Variants in SEPTIN9 observed in about 807,000 individuals in gnomAD.
SEPTIN9 encodes the protein septin-9.
A neutral mutation model predicts 56.6 loss-of-function variants in SEPTIN9; 13 were observed. That is an observed-to-expected ratio of 0.23 (90% CI 0.15 to 0.37). SEPTIN9 has a LOEUF of 0.37. Among genes scored for constraint, SEPTIN9 ranks in the 10% least tolerant of loss-of-function variants. The pLI is 1.00. For synonymous variants in SEPTIN9, 332 were observed against 334.1 expected (o/e 0.99, Z 0.07); for missense variants, 650 against 823.1 (o/e 0.79, Z 2.57).
At chr17:77,443,902 G>A (rs1409034104) in intron 3 of SEPTIN9, among the ~76,000 whole-genome samples, 1 of 152,236 alleles carries the variant, frequency 6.6e-6, no homozygotes, top group African/African-American at 2.4e-5. Context: ...TCTTAGAAAG[G>A]TGGAAATGGG....
At position 77,429,360 on chromosome 17, in the gene SEPTIN9, C is replaced by A; in HGVS notation, c.721+26657C>A. ...CCCACCTGGCTGAGAGGTGTGCTGG[C>A]TCTCGCAGGTTGCAAAATGGGGACA... On this transcript the variant is annotated intron_variant, in intron 3 of 11. Coordinates refer to ENST00000427177, the MANE Select transcript of SEPTIN9 (RefSeq NM_001113491.2). This position sits in a 1 kb window ranked among gnomAD's most constrained non-coding sequence, Gnocchi z 5.2. 1 of 447,222 alleles carries A rather than the reference C, an allele frequency of 2.2e-6. No homozygotes were observed. Among genetic ancestry groups the A allele is most frequent in the Non-Finnish European group, 4.7e-6 (1 of 211,956 alleles). 27.7% of individuals were successfully genotyped at this position (447,222 alleles called of 1,614,324 possible). A position where few individuals can be genotyped will look rare whatever the true frequency, so the allele number is the denominator to read the frequency against.
chr17:77,355,100 C>T (rs1291526971), intron 2 of SEPTIN9, among the ~76,000 whole-genome samples: 2 of 152,110 alleles, frequency 1.3e-5, no homozygotes, highest in East Asian at 1.9e-4. Context: ...CAGCTTAGCT[C>T]GTTGTAGTTG....
At position 77,389,396 on chromosome 17, in the gene SEPTIN9, C is replaced by G. The variant is rs1269171182; in HGVS notation, c.77-12663C>G. Among the ~76,000 whole-genome samples, 2 of 152,052 alleles carry G rather than the reference C, an allele frequency of 1.3e-5. No homozygotes were observed. Among genetic ancestry groups the G allele is most frequent in the African/African-American group, 4.8e-5 (2 of 41,406 alleles). ...GAGGACGGAGAGCTGCCAGAGAGGC[C>G]CTGGCGGGGTGTCTGGGGCCACCTA... On this transcript the variant is annotated intron_variant, in intron 2 of 11. Coordinates refer to ENST00000427177, the MANE Select transcript of SEPTIN9 (RefSeq NM_001113491.2). The surrounding 1 kb of genome is among the most constrained non-coding windows in gnomAD (Gnocchi z 4.3).
rs1201662740 is a variant in SEPTIN9 at position 77,369,575 on chromosome 17, T to C, written c.77-32484T>C. Among the ~76,000 whole-genome samples the C allele has an allele frequency of 6.6e-6, 1 of 152,208 alleles. No individual in the cohort carries two copies. Among genetic ancestry groups the C allele is most frequent in the Non-Finnish European group, 1.5e-5 (1 of 68,046 alleles). On this transcript the variant is annotated intron_variant, in intron 2 of 11. Transcript: ENST00000427177. This position sits in a 1 kb window ranked among gnomAD's most constrained non-coding sequence, Gnocchi z 4.9. ...GAGGGGCTGTGGAAGGCTCTGCCACTGACGGACCCAGGGCTCGGCAGCTCT... is the reference window on the plus strand; with the variant it reads ...GAGGGGCTGTGGAAGGCTCTGCCACCGACGGACCCAGGGCTCGGCAGCTCT...
At chr17:77,341,885 A>G (rs55945244) in intron 2 of SEPTIN9, among the ~76,000 whole-genome samples, 23,113 of 150,658 alleles carry the variant, frequency 0.15, 2,458 homozygotes, top group African/African-American at 0.29. Context: ...GATTGAGACC[A>G]TCCTGGCTAA....
intron 2 of SEPTIN9, among the ~76,000 whole-genome samples, chr17:77,333,350 G>T (rs1485382495): frequency 2.0e-5 from 3 of 152,126 alleles, no homozygotes; most frequent in Non-Finnish European, 4.4e-5. Flanking sequence ...TGTCAGATAC[G>T]TGTTTTACAA....
intron 2 of SEPTIN9, among the ~76,000 whole-genome samples, chr17:77,343,199 G>A (rs1182049987): frequency 6.6e-6 from 1 of 152,220 alleles, no homozygotes; most frequent in Non-Finnish European, 1.5e-5. Context: ...ACCCAGCCTT[G>A]TGATTAGAAG....
At position 77,317,134 on chromosome 17, in the gene SEPTIN9, A is replaced by G. The variant is rs1598183146; in HGVS notation, c.76+9937A>G. 1.3e-5 allele frequency among the ~76,000 whole-genome samples: 2 copies of G among 152,224 alleles called. No individual in the cohort carries two copies. Among genetic ancestry groups the G allele is most frequent in the Admixed American group, 6.5e-5 (1 of 15,282 alleles). Reference sequence around the variant, plus strand: ...GCCCTGGCTCCGTCTGTGGCGCTGCATCAGTTTCCTGCAGCTGCTGTAACG... The same window carrying G: ...GCCCTGGCTCCGTCTGTGGCGCTGCGTCAGTTTCCTGCAGCTGCTGTAACG... On this transcript the variant is annotated intron_variant, in intron 2 of 11. Transcript: ENST00000427177. This position sits in a 1 kb window ranked among gnomAD's most constrained non-coding sequence, Gnocchi z 4.2.
chr17:77,462,323 C>T (rs2038513784), intron 3 of SEPTIN9, among the ~76,000 whole-genome samples: 1 of 152,160 alleles, frequency 6.6e-6, no homozygotes, highest in South Asian at 2.1e-4. Context: ...CTCACTGCAG[C>T]CTTGACTTCC....
At chr17:77,301,621 C>T (rs1008340370) in intron 1 of SEPTIN9, among the ~76,000 whole-genome samples, 1 of 152,116 alleles carries the variant, frequency 6.6e-6, no homozygotes, top group African/African-American at 2.4e-5. Context: ...CCATGTTGGT[C>T]AGGCTGATCT....
rs145611329 is a variant in SEPTIN9 at position 77,443,147 on chromosome 17, C to T, written c.722-38997C>T. On this transcript the variant is annotated intron_variant, in intron 3 of 11. Transcript: ENST00000427177. ...CAATGTGCCCAGTGCAGGAGGCAGA[C>T]GTGGTTTATGGTTGCTGTTGAAACC... is the stretch of plus-strand genomic sequence containing the variant. Among the ~76,000 whole-genome samples the T allele has an allele frequency of 2.7e-3, 404 of 152,184 alleles. 1 individual carries two copies. The highest frequency in any genetic ancestry group is 4.2e-3 in the Non-Finnish European group (284 of 68,008).
intron 2 of SEPTIN9, among the ~76,000 whole-genome samples, chr17:77,366,251 C>T (rs2034567877): frequency 6.6e-6 from 1 of 152,062 alleles, no homozygotes; most frequent in Admixed American, 6.6e-5. Flanking sequence ...ATACTGTGTC[C>T]CCATCTCATT....
intron 2 of SEPTIN9, among the ~76,000 whole-genome samples, chr17:77,349,027 C>T (rs1021593895): frequency 6.6e-6 from 1 of 152,172 alleles, no homozygotes; most frequent in Non-Finnish European, 1.5e-5. Flanking sequence ...TGCAGGTTTG[C>T]AGACAGCTAA....
Position 77,487,357 on chromosome 17 carries a change from G to C in SEPTIN9, c.914-67G>C, listed in dbSNP as rs2039836424. On this transcript the variant is annotated intron_variant, in intron 4 of 11. Transcript: ENST00000427177. The surrounding 1 kb of genome is among the most constrained non-coding windows in gnomAD (Gnocchi z 4.3). ...AGAGCCTCGTGCCTGGGTGGGAGGG[G>C]CCCCATGTGCAGACCCTGCTGGTCT... 1 of 1,540,202 alleles carries C rather than the reference G, an allele frequency of 6.5e-7. No individual in the cohort carries two copies. The highest frequency in any genetic ancestry group is 8.8e-7 in the Non-Finnish European group (1 of 1,138,404).
rs1216895299 is a variant in SEPTIN9 at position 77,425,231 on chromosome 17, G to A, written c.721+22528G>A. Among the ~76,000 whole-genome samples the A allele has an allele frequency of 5.9e-5, 9 of 152,232 alleles. No individual in the cohort carries two copies. The highest frequency in any genetic ancestry group is 3.9e-4 in the East Asian group (2 of 5,164). On this transcript the variant is annotated intron_variant, in intron 3 of 11. Coordinates refer to ENST00000427177, the MANE Select transcript of SEPTIN9 (RefSeq NM_001113491.2). The surrounding 1 kb of genome is among the most constrained non-coding windows in gnomAD (Gnocchi z 4.2). ...GTGCGGGCTGGGGACTGAGAGTGCC[G>A]GAGGAGGGCCTCCCAGGAAAACCCA... is the stretch of plus-strand genomic sequence containing the variant.
At chr17:77,494,053 A>C (rs1334745754) in intron 10 of SEPTIN9, among the ~76,000 whole-genome samples, 1 of 152,016 alleles carries the variant, frequency 6.6e-6, no homozygotes, top group East Asian at 1.9e-4. Context: ...CTGGGATTAC[A>C]GGAATGAGCC....
intron 2 of SEPTIN9, among the ~76,000 whole-genome samples, chr17:77,396,377 C>T (rs991225624): frequency 1.2e-4 from 18 of 152,228 alleles, no homozygotes; most frequent in African/African-American, 3.6e-4. Flanking sequence ...TGGATCTGTG[C>T]AGTCACGTAC....
At chr17:77,365,939 C>T (rs1056370517) in intron 2 of SEPTIN9, among the ~76,000 whole-genome samples, 2 of 152,186 alleles carry the variant, frequency 1.3e-5, no homozygotes, top group African/African-American at 4.8e-5. Context: ...CCCTGCACTG[C>T]ATCGGTGGCA....
rs2031907077 is a variant in SEPTIN9, at chr17:77,298,423, G to C, written c.20-8718G>C. Among the ~76,000 whole-genome samples the C allele has an allele frequency of 2.0e-5, 3 of 152,216 alleles. No homozygotes were observed. In the South Asian group the frequency reaches 6.2e-4, roughly 32 times the overall value. On this transcript the variant is annotated intron_variant, in intron 1 of 11. Coordinates refer to ENST00000427177, the MANE Select transcript of SEPTIN9 (RefSeq NM_001113491.2). ...TTCATCTCAGCAGAAACCTCTAAGGGGACTGGGGAGTGTGCTGTGGATGTT... is the reference window on the plus strand; with the variant it reads ...TTCATCTCAGCAGAAACCTCTAAGGCGACTGGGGAGTGTGCTGTGGATGTT...
Sources: gnomAD v4.1 joint callset for allele counts (sites outside exome capture counted in the v4.1 genomes callset) on GRCh38, gnomAD v4.1.1 for gene constraint, Gnocchi (gnomAD v3.1) non-coding constraint, MANE v1.5 for transcripts, NCBI Gene and HGNC (gene_info 2026-07-23, HGNC 2026-07-21) for gene names.